The following CHSY3 variants were observed in gnomAD, a reference collection of about 807,000 sequenced individuals.
CHSY3 encodes N-acetylgalactosaminyl-proteoglycan 3-beta-glucuronosyltransferase 3.
In CHSY3, 35 loss-of-function variants were observed where a neutral mutation model predicts 67.2. The observed-to-expected ratio is 0.52, with a 90% CI of 0.40 to 0.69. CHSY3 has a LOEUF of 0.69. CHSY3 is among the 30% of genes least tolerant of loss of function. The pLI is 0.00. For synonymous variants in CHSY3, 474 were observed against 434.7 expected (o/e 1.09, Z -1.12); for missense variants, 1,069 against 1,138.5 (o/e 0.94, Z 0.88).
chr5:130,167,942 A>G (rs1211910766), intron 2 of CHSY3, among the ~76,000 whole-genome samples: 1 of 152,110 alleles, frequency 6.6e-6, no homozygotes. Context: ...CAGACTGGGA[A>G]TGGAAGAGCA....
intron 2 of CHSY3, among the ~76,000 whole-genome samples, chr5:130,179,729 AT>A (rs34591686): frequency 0.37 from 55,626 of 149,884 alleles, 12,384 homozygotes; most frequent in Non-Finnish European, 0.49. Context: ...TTTTCATCTA[AT>A]TTTTTTTTTT....
intron 2 of CHSY3, among the ~76,000 whole-genome samples, chr5:130,130,187 G>T (rs751524908): frequency 3.3e-5 from 5 of 152,052 alleles, no homozygotes; most frequent in South Asian, 2.1e-4. Context: ...ACTACTGCCA[G>T]TAAATATTCC....
At chr5:130,017,916 C>G (rs1262503478) in intron 2 of CHSY3, among the ~76,000 whole-genome samples, 2 of 152,090 alleles carry the variant, frequency 1.3e-5, no homozygotes, top group African/African-American at 2.4e-5. Context: ...CTCTAGAAAC[C>G]TCTTTGAACA....
intron 2 of CHSY3, among the ~76,000 whole-genome samples, chr5:129,971,481 A>C (rs552803098): frequency 6.6e-6 from 1 of 152,060 alleles, no homozygotes; most frequent in South Asian, 2.1e-4. Context: ...CTGTTAATTT[A>C]ATTGCTTAGT....
At chr5:129,968,642 T>C (rs1469439845) in intron 2 of CHSY3, among the ~76,000 whole-genome samples, 1 of 151,838 alleles carries the variant, frequency 6.6e-6, no homozygotes, top group Non-Finnish European at 1.5e-5. Flanking sequence ...AAAGGACAGG[T>C]GTTTCTCACA....
In CHSY3 at chr5:129,952,625, A is replaced by G. The variant is rs1175807842; in HGVS notation, c.1086+44265A>G. Among the ~76,000 whole-genome samples the G allele has an allele frequency of 2.6e-5, 4 of 152,146 alleles. No individual in the cohort carries two copies. In the East Asian group the frequency reaches 5.8e-4, roughly 22 times the overall value. On this transcript the variant is annotated intron_variant, in intron 2 of 2. Coordinates refer to ENST00000305031, the MANE Select transcript of CHSY3 (RefSeq NM_175856.5). ...CTTTAAATTCTGCAATTTCTTCTTT[A>G]TAGAATTTGCCTAGCCTGTTTCCAG...
chr5:130,000,298 G>A (rs1327807145), intron 2 of CHSY3, among the ~76,000 whole-genome samples: 1 of 152,156 alleles, frequency 6.6e-6, no homozygotes, highest in Non-Finnish European at 1.5e-5. Context: ...TTTGTAGCAG[G>A]TACAAATAAT....
At chr5:129,918,310 G>A (rs1028208028) in intron 2 of CHSY3, among the ~76,000 whole-genome samples, 2 of 152,184 alleles carry the variant, frequency 1.3e-5, no homozygotes, top group African/African-American at 2.4e-5. Context: ...TAATAAGAGA[G>A]TTCTTATGAG....
Position 130,185,032 on chromosome 5 carries a change from G to T in CHSY3, c.1890G>T (p.Arg630Ser), listed in dbSNP as rs769010012. 2.0e-5 allele frequency: 32 copies of T among 1,588,448 alleles called. No homozygotes were observed. The highest frequency in any genetic ancestry group is 1.8e-4 in the East Asian group (8 of 44,750). Residue 630 changes from arginine to serine, a missense_variant, in exon 3 of 3, where the codon AGG becomes AGT. Physicochemically the swap from Arg to Ser is moderately radical, Grantham distance 110. Around this residue, in one of 5 missense-constraint regions of CHSY3, gnomAD observed 401 missense variants for 395.2 expected, o/e 1.01. Coordinates refer to ENST00000305031, the MANE Select transcript of CHSY3 (RefSeq NM_175856.5). Reference sequence around the variant, plus strand: ...ACATTCTCGTTCCTCTCATCGGAAGGTATGACATTTTCTTGAGATTCATGG... The same window carrying T: ...ACATTCTCGTTCCTCTCATCGGAAGTTATGACATTTTCTTGAGATTCATGG... ...KVHILVPLIG[R>S]YDIFLRFMEN...
intron 2 of CHSY3, among the ~76,000 whole-genome samples, chr5:130,024,272 C>T (rs750640039): frequency 2.6e-5 from 4 of 151,738 alleles, no homozygotes; most frequent in Non-Finnish European, 5.9e-5. Context: ...GTTCTTTTCT[C>T]TAGCTTTTCC....
intron 2 of CHSY3, among the ~76,000 whole-genome samples, chr5:129,974,484 A>G (rs1312468984): frequency 2.0e-5 from 3 of 152,186 alleles, no homozygotes; most frequent in Non-Finnish European, 4.4e-5. Context: ...AGGAAGATCT[A>G]AAACACTGGA....
chr5:130,079,264 C>G lies in CHSY3; in HGVS notation c.1087-104965C>G, dbSNP rs532563744. Among the ~76,000 whole-genome samples the G allele has an allele frequency of 2.6e-5, 4 of 152,148 alleles. No individual in the cohort carries two copies. In the South Asian group the frequency reaches 8.3e-4, roughly 32 times the overall value. On this transcript the variant is annotated intron_variant, in intron 2 of 2. Coordinates refer to ENST00000305031, the MANE Select transcript of CHSY3 (RefSeq NM_175856.5). ...TCTTTCCTTAGAAATTTAGACCTGA[C>G]TTGTATTGCTTTTACCTCTTCTACG...
intron 2 of CHSY3, among the ~76,000 whole-genome samples, chr5:130,112,577 A>G (rs17514998): frequency 0.055 from 8,333 of 152,162 alleles, 343 homozygotes; most frequent in Non-Finnish European, 0.08. Flanking sequence ...ACACTCCCCT[A>G]TAGAATAGTC....
chr5:129,942,631 C>G (rs954158415), intron 2 of CHSY3, among the ~76,000 whole-genome samples: 15 of 152,148 alleles, frequency 9.9e-5, no homozygotes, highest in Admixed American at 9.2e-4. Flanking sequence ...ATTTTATCTC[C>G]GTTTTATAGA....
chr5:130,131,660 G>A (rs1351830795), intron 2 of CHSY3, among the ~76,000 whole-genome samples: 4 of 152,120 alleles, frequency 2.6e-5, no homozygotes, highest in Admixed American at 2.0e-4. Flanking sequence ...AACCCAGGTA[G>A]TTGCTCTCAG....
At chr5:130,181,923 A>C (rs1037235276) in intron 2 of CHSY3, among the ~76,000 whole-genome samples, 4 of 152,186 alleles carry the variant, frequency 2.6e-5, no homozygotes, top group Admixed American at 6.5e-5. Context: ...ATGTAAATTT[A>C]GGTTATTTTC....
rs193104557 is a variant in CHSY3, at chr5:130,112,152, T to G, written c.1087-72077T>G. Among the ~76,000 whole-genome samples the G allele has an allele frequency of 1.6e-3, 238 of 152,254 alleles. 2 individuals are homozygous for G. Among genetic ancestry groups the G allele is most frequent in the Middle Eastern group, 3.4e-3 (1 of 294 alleles). ...TTCAAACTTACCAGAGAAAAAGGTT[T>G]GTAAGTACTATAATTGGAGATATCA... On this transcript the variant is annotated intron_variant, in intron 2 of 2. Coordinates refer to ENST00000305031, the MANE Select transcript of CHSY3 (RefSeq NM_175856.5).
intron 2 of CHSY3, among the ~76,000 whole-genome samples, chr5:129,974,427 C>A (rs952248333): frequency 6.6e-6 from 1 of 152,140 alleles, no homozygotes; most frequent in Non-Finnish European, 1.5e-5. Context: ...TTTATACTCA[C>A]CCCTACCCCC....
At chr5:129,997,666 C>G (rs1221114702) in intron 2 of CHSY3, among the ~76,000 whole-genome samples, 2 of 151,976 alleles carry the variant, frequency 1.3e-5, no homozygotes, top group African/African-American at 4.8e-5. Context: ...CAGCCTCCCA[C>G]CCCCCAACAG....
Sources: allele counts gnomAD v4.1 joint callset (sites outside exome capture counted in the v4.1 genomes callset), GRCh38; gene constraint gnomAD v4.1.1; regional missense constraint gnomAD v4.1.1; transcripts MANE v1.5; gene names NCBI Gene and HGNC (gene_info 2026-07-23, HGNC 2026-07-21).